Variants in HMGB1 observed in about 807,000 individuals in gnomAD.
HMGB1 encodes high mobility group protein B1.
For missense variants in HMGB1, 79 were observed against 253.5 expected (o/e 0.31, Z 4.67); for synonymous variants, 81 against 84.0 (o/e 0.96, Z 0.19).
At position 30,604,269 on chromosome 13, in the gene HMGB1, ATCTG is replaced by A. The variant is rs201502326; in HGVS notation, c.-15+12398_-15+12401del. The stretch of plus-strand genomic sequence containing the variant: ...GGTTGTGAAGAAAAGACAAGACATG[ATCTG>A]ATTCATGTTTTGATCTGATACACTG... On this transcript the variant is annotated intron_variant, in intron 1 of 4. Transcript: ENST00000405805. 7.5e-3 allele frequency among the ~76,000 whole-genome samples: 1,146 copies of A among 152,268 alleles called. 4 individuals carry two copies. The highest frequency in any genetic ancestry group is 9.5e-3 in the Non-Finnish European group (646 of 68,014).
At chr13:30,587,712 T>C (rs1246412953) in intron 1 of HMGB1, among the ~76,000 whole-genome samples, 1 of 152,220 alleles carries the variant, frequency 6.6e-6, no homozygotes, top group Non-Finnish European at 1.5e-5. Flanking sequence ...GCCAAGCAAA[T>C]GAACTACTTA....
In HMGB1 at chr13:30,588,439, C is replaced by A. The variant is rs149676459; in HGVS notation, c.-15+28232G>T. 3.6e-3 allele frequency among the ~76,000 whole-genome samples: 543 copies of A among 152,080 alleles called. 2 individuals carry two copies. The highest frequency in any genetic ancestry group is 0.011 in the African/African-American group (461 of 41,476). ...CGGGGATACAATATATGTAAAAACT[C>A]GGAGACAGGACTGAGCGTGAAATGT... On this transcript the variant is annotated intron_variant, in intron 1 of 4. Coordinates refer to the HMGB1 transcript ENST00000405805.
In HMGB1 at chr13:30,461,439, T is replaced by C. The variant is rs554517768; in HGVS notation, c.566A>G (p.Glu189Gly). ...CTCATCCTCTTCATCTTCCTCATCT[T>C]CCTCCTCTTCCTTCTTTTTCTTGCT... The part of the protein sequence containing the change: ...EKSKKKKEEE[E>G]DEEDEEDEEE... Residue 189 changes from glutamate to glycine, a missense_variant, in exon 5 of 5, where the codon GAA (glutamate) becomes GGA (glycine). Physicochemically the swap from Glu to Gly is moderately conservative, Grantham distance 98. Transcript: ENST00000341423. 2 of 1,587,512 alleles carry C rather than the reference T, an allele frequency of 1.3e-6. No homozygotes were observed. Among genetic ancestry groups the C allele is most frequent in the East Asian group, 4.5e-5 (2 of 44,374 alleles).
At chr13:30,462,858 T>A (rs892814911) in intron 3 of HMGB1, 146 bp from the exon 4 acceptor site, 28 of 676,012 alleles carry the variant, frequency 4.1e-5, no homozygotes, top group Non-Finnish European at 6.3e-5. Context: ...ATACTAAATA[T>A]CCTTCACAAC....
intron 1 of HMGB1, among the ~76,000 whole-genome samples, chr13:30,494,775 T>A (rs187531306): frequency 1.1e-3 from 162 of 152,278 alleles, no homozygotes; most frequent in African/African-American, 3.7e-3. Flanking sequence ...AAACTCTGTA[T>A]CCATTAAATA....
At chr13:30,565,716 A>G (rs1223767249) in intron 1 of HMGB1, among the ~76,000 whole-genome samples, 1 of 152,148 alleles carries the variant, frequency 6.6e-6, no homozygotes, top group African/African-American at 2.4e-5. Flanking sequence ...AAGAAGCAAA[A>G]AAGATGTCTG....
intron 1 of HMGB1, among the ~76,000 whole-genome samples, chr13:30,596,284 T>G (rs754018670): frequency 6.6e-6 from 1 of 152,226 alleles, no homozygotes; most frequent in Non-Finnish European, 1.5e-5. Flanking sequence ...ATTATTTTTA[T>G]AATCACATAC....
At chr13:30,597,064 G>A (rs1268327823) in intron 1 of HMGB1, among the ~76,000 whole-genome samples, 1 of 152,148 alleles carries the variant, frequency 6.6e-6, no homozygotes, top group Non-Finnish European at 1.5e-5. Flanking sequence ...TAAAACAAAG[G>A]CTTAGAAGAT....
intron 1 of HMGB1, among the ~76,000 whole-genome samples, chr13:30,517,083 T>C (rs1223418025): frequency 6.6e-6 from 1 of 152,246 alleles, no homozygotes; most frequent in Non-Finnish European, 1.5e-5. Flanking sequence ...AAAGAAGGAA[T>C]GACCTTAGAA....
In HMGB1 at chr13:30,459,192, C is replaced by T. The variant is rs1158550680; in HGVS notation, c.*2165G>A. On this transcript the variant is annotated 3_prime_UTR_variant, in exon 5 of 5. Transcript: ENST00000341423. Reference sequence around the variant, plus strand: ...GCTTTACACTTATCTAAATTGCCTCCCACTTCCATTTACTTGAGTTTTAGA... The same window carrying T: ...GCTTTACACTTATCTAAATTGCCTCTCACTTCCATTTACTTGAGTTTTAGA... 1 of 152,112 alleles carries T rather than the reference C, an allele frequency of 6.6e-6. No homozygotes were observed. Among genetic ancestry groups the T allele is most frequent in the African/African-American group, 2.4e-5 (1 of 41,430 alleles). 9.4% of individuals were successfully genotyped at this position (152,112 alleles called of 1,614,324 possible). A position where few individuals can be genotyped will look rare whatever the true frequency, so the allele number is the denominator to read the frequency against.
chr13:30,563,330 T>G (rs1028214979), intron 1 of HMGB1, among the ~76,000 whole-genome samples: 1 of 152,154 alleles, frequency 6.6e-6, no homozygotes, highest in Non-Finnish European at 1.5e-5. Context: ...TTGCTGTGGC[T>G]GGGCGCAGTG....
chr13:30,602,946 G>C (rs1188397050), intron 1 of HMGB1, among the ~76,000 whole-genome samples: 1 of 152,160 alleles, frequency 6.6e-6, no homozygotes, highest in African/African-American at 2.4e-5. Context: ...TGGGACCACA[G>C]GCACATGCCA....
chr13:30,561,360 G>A (rs1869944211), intron 1 of HMGB1, among the ~76,000 whole-genome samples: 1 of 152,134 alleles, frequency 6.6e-6, no homozygotes, highest in African/African-American at 2.4e-5. Flanking sequence ...AGAAAGAATA[G>A]GAGAAGTTCC....
At chr13:30,612,467 G>A (rs553242462) in intron 1 of HMGB1, among the ~76,000 whole-genome samples, 5 of 152,170 alleles carry the variant, frequency 3.3e-5, no homozygotes, top group African/African-American at 9.7e-5. Context: ...AGCTTCAAGC[G>A]AATACAGTTA....
At chr13:30,609,738 T>A (rs1950496320) in intron 1 of HMGB1, among the ~76,000 whole-genome samples, 1 of 152,160 alleles carries the variant, frequency 6.6e-6, no homozygotes, top group Non-Finnish European at 1.5e-5. Context: ...TTAACCCCCA[T>A]CCAACCTTCT....
intron 1 of HMGB1, among the ~76,000 whole-genome samples, chr13:30,548,034 G>GA (rs368467988): frequency 1.4e-4 from 21 of 152,272 alleles, no homozygotes; most frequent in African/African-American, 5.1e-4. Flanking sequence ...GTTTTTCTAA[G>GA]AAAATTTGCA....
At chr13:30,561,251 A>G (rs376124177) in intron 1 of HMGB1, among the ~76,000 whole-genome samples, 2 of 152,184 alleles carry the variant, frequency 1.3e-5, no homozygotes, top group Non-Finnish European at 2.9e-5. Flanking sequence ...GTGACTTTCT[A>G]GTCTGGAGCT....
chr13:30,461,980 C>G (rs1158884746), intron 4 of HMGB1, among the ~76,000 whole-genome samples: 2 of 151,914 alleles, frequency 1.3e-5, no homozygotes, highest in Non-Finnish European at 2.9e-5. Context: ...GGTTAAGAAA[C>G]ATCTAGAAAT....
chr13:30,463,456 A>G, intron 2 of HMGB1, 75 bp downstream of exon 2: 1 of 1,550,114 alleles, frequency 6.5e-7, no homozygotes, highest in South Asian at 1.2e-5. Flanking sequence ...GAGAATGCCA[A>G]CTAGGCTTTT....
Sources: allele counts gnomAD v4.1 joint callset (sites outside exome capture counted in the v4.1 genomes callset), GRCh38; gene constraint gnomAD v4.1.1; transcripts MANE v1.5; gene names NCBI Gene and HGNC (gene_info 2026-07-23, HGNC 2026-07-21).